The following GON4L variants were observed in gnomAD, a reference collection of about 807,000 sequenced individuals.
GON4L encodes the protein GON-4-like protein.
A neutral mutation model predicts 211.8 loss-of-function variants in GON4L; 87 were observed. The observed-to-expected ratio is 0.41, with a 90% CI of 0.35 to 0.49. GON4L has a LOEUF of 0.49. GON4L is among the 20% of genes least tolerant of loss of function. The pLI, the probability that GON4L is intolerant of heterozygous loss-of-function variation, is 0.15. For synonymous variants in GON4L, 875 were observed against 962.6 expected (o/e 0.91, Z 1.68); for missense variants, 2,155 against 2,659.5 (o/e 0.81, Z 4.17).
chr1:155,752,344 A>T lies in GON4L; in HGVS notation c.6089T>A (p.Met2030Lys). 1 of 1,601,904 alleles carries T rather than the reference A, an allele frequency of 6.2e-7. No individual in the cohort carries two copies. Among genetic ancestry groups the T allele is most frequent in the Non-Finnish European group, 8.5e-7 (1 of 1,170,742 alleles). Residue 2030 changes from methionine (M) to lysine (K), a missense_variant, in exon 30 of 32, where the codon ATG (methionine) becomes AAG (lysine). Physicochemically the swap from Met to Lys is moderately conservative, Grantham distance 95. Transcript: ENST00000368331. ...QKAVSESEALMLVWDASETEK... is the reference protein window; with the variant it reads ...QKAVSESEALKLVWDASETEK... Reference sequence around the variant, plus strand: ...AGTTTCTGATGCATCCCAGACCAGCATCAAAGCCTCTGACTCACTCACTGC... The same window carrying T: ...AGTTTCTGATGCATCCCAGACCAGCTTCAAAGCCTCTGACTCACTCACTGC...
chr1:155,853,141 T>C (rs1403212591), intron 2 of GON4L, 135 bp downstream of exon 2: 5 of 862,992 alleles, frequency 5.8e-6, no homozygotes, highest in African/African-American at 5.0e-5. Flanking sequence ...TGTTGACCCT[T>C]AGCAACACAG....
At position 155,749,866 on chromosome 1, in the gene GON4L, A is replaced by G; in HGVS notation, c.*718T>C. On this transcript the variant is annotated 3_prime_UTR_variant, in exon 32 of 32. Coordinates refer to ENST00000368331, the MANE Select transcript of GON4L (RefSeq NM_001282860.2). ...GTTGGACTTCCTTATCAGTTTGGCG[A>G]GTCCCAGGGCAGAATAATCATCCAT... The G allele has an allele frequency of 1.2e-6, 2 of 1,604,566 alleles. No homozygotes were observed. The highest frequency in any genetic ancestry group is 1.3e-5 in the African/African-American group (1 of 74,088).
intron 18 of GON4L, among the ~76,000 whole-genome samples, chr1:155,771,617 C>T (rs1663202269): frequency 6.6e-6 from 1 of 152,138 alleles, no homozygotes; most frequent in African/African-American, 2.4e-5. Context: ...TGACCACAGA[C>T]GTTCACCACC....
At chr1:155,798,609 CG>C (rs1666326131) in intron 11 of GON4L, among the ~76,000 whole-genome samples, 1 of 109,036 alleles carries the variant, frequency 9.2e-6, no homozygotes, top group African/African-American at 3.5e-5. Context: ...TTAGTAGAGA[CG>C]GGGTTTCACT....
chr1:155,838,861 T>C (rs1027077177), intron 2 of GON4L, among the ~76,000 whole-genome samples: 1 of 151,580 alleles, frequency 6.6e-6, no homozygotes, highest in Non-Finnish European at 1.5e-5. Context: ...TTTTGTATAA[T>C]TTAAAATCTT....
chr1:155,774,552 G>A (rs945043484), intron 17 of GON4L, among the ~76,000 whole-genome samples: 4 of 151,926 alleles, frequency 2.6e-5, no homozygotes, highest in Non-Finnish European at 4.4e-5. Flanking sequence ...TGTGTTCCCC[G>A]TGCCTCGGCC....
chr1:155,765,357 C>T lies in GON4L; in HGVS notation c.4116G>A (p.Thr1372=), dbSNP rs559465299. 2.4e-4 allele frequency: 381 copies of T among 1,614,128 alleles called. 2 individuals carry two copies. The South Asian group carries it at 3.7e-3, about 16-fold the overall frequency. Residue 1372 remains threonine (T), a synonymous_variant, in exon 21 of 32, where the codon ACG becomes ACA. Transcript: ENST00000368331. ...SEELSSAGEV[T]KQTVLQKEEE... ...CTTCCTTCTGTAAGACTGTCTGTTTCGTTACTTCTCCAGCACTGCTCAACT... is the reference window on the plus strand; with the variant it reads ...CTTCCTTCTGTAAGACTGTCTGTTTTGTTACTTCTCCAGCACTGCTCAACT...
In GON4L at chr1:155,765,920, C is replaced by A; in HGVS notation, c.3553G>T (p.Val1185Phe). 1 of 1,614,084 alleles carries A rather than the reference C, an allele frequency of 6.2e-7. No individual in the cohort carries two copies. The highest frequency in any genetic ancestry group is 8.5e-7 in the Non-Finnish European group (1 of 1,180,022). ...PQTIPITTLL[V>F]NPTSFPCPLN... ...GGACAGGGGAAGGAAGTAGGGTTAA[C>A]CAAGAGGGTAGTGATGGGAATAGTC... The change falls in exon 21 of 32, where the codon GTT (valine) becomes TTT (phenylalanine). Residue 1185 changes from valine (V) to phenylalanine (F), a missense_variant. Coordinates refer to ENST00000368331, the MANE Select transcript of GON4L (RefSeq NM_001282860.2).
chr1:155,809,934 A>G (rs1351033563), intron 10 of GON4L, among the ~76,000 whole-genome samples: 2 of 137,078 alleles, frequency 1.5e-5, no homozygotes, highest in African/African-American at 5.4e-5. Flanking sequence ...TATAAATTAT[A>G]TACATATATA....
At chr1:155,849,488 G>A (rs1196069724) in intron 2 of GON4L, among the ~76,000 whole-genome samples, 1 of 148,638 alleles carries the variant, frequency 6.7e-6, no homozygotes, top group Non-Finnish European at 1.5e-5. Context: ...AGCTTGCAAT[G>A]AGCCGAGATT....
chr1:155,787,912 C>T (rs1571744380), intron 12 of GON4L, among the ~76,000 whole-genome samples: 1 of 152,268 alleles, frequency 6.6e-6, no homozygotes, highest in Middle Eastern at 3.4e-3. Context: ...CCACTGCACT[C>T]CAGCCTGAGA....
chr1:155,849,457 T>C (rs1255101990), intron 2 of GON4L, among the ~76,000 whole-genome samples: 59 of 146,198 alleles, frequency 4.0e-4, no homozygotes, highest in Non-Finnish European at 4.5e-5. Context: ...GGCAGGAGAA[T>C]GGCGTGAACC....
chr1:155,835,424 C>G (rs1670205818), intron 2 of GON4L, among the ~76,000 whole-genome samples: 2 of 150,752 alleles, frequency 1.3e-5, no homozygotes, highest in Admixed American at 6.6e-5. Context: ...ATGACCCTGC[C>G]AAATCCCCCT....
rs1019268649 is a variant in GON4L at position 155,762,137 on chromosome 1, G to T, written c.4911+53C>A. 34 of 1,379,390 alleles carry T rather than the reference G, an allele frequency of 2.5e-5. No individual in the cohort carries two copies. The South Asian group carries it at 3.6e-4, about 14-fold the overall frequency. 85.4% of individuals were successfully genotyped at this position (1,379,390 alleles called of 1,614,324 possible). On this transcript the variant is annotated intron_variant, in intron 23 of 31. Coordinates refer to ENST00000368331, the MANE Select transcript of GON4L (RefSeq NM_001282860.2). ...TATGTTGAAAAACATCTCCCTTGAA[G>T]AAGCAGCCACATTCATAGAGACTGG...
At chr1:155,771,556 T>G (rs531769332) in intron 18 of GON4L, among the ~76,000 whole-genome samples, 1 of 152,290 alleles carries the variant, frequency 6.6e-6, no homozygotes, top group Admixed American at 6.5e-5. Context: ...CACTGCAGCC[T>G]TGAATGCCTG....
intron 9 of GON4L, 66 bp downstream of exon 9, chr1:155,814,264 T>G: frequency 3.5e-6 from 5 of 1,418,962 alleles, no homozygotes; most frequent in Non-Finnish European, 4.0e-6. Flanking sequence ...AATAATCTAC[T>G]TATACAGTTA....
At chr1:155,842,057 T>C (rs567883382) in intron 2 of GON4L, among the ~76,000 whole-genome samples, 1 of 151,518 alleles carries the variant, frequency 6.6e-6, no homozygotes, top group Admixed American at 6.6e-5. Flanking sequence ...AAAAACTAAT[T>C]CAGGCCATGA....
At position 155,752,062 on chromosome 1, in the gene GON4L, T is replaced by C; in HGVS notation, c.6371A>G (p.Lys2124Arg). 3 of 1,613,774 alleles carry C rather than the reference T, an allele frequency of 1.9e-6. No homozygotes were observed. Among genetic ancestry groups the C allele is most frequent in the Non-Finnish European group, 2.5e-6 (3 of 1,179,726 alleles). ...TGGCTGCTGCTCCCCCTCTGGACCCTTGGCCTGTGTTCCACTGTCTTTAGC... is the reference window on the plus strand; with the variant it reads ...TGGCTGCTGCTCCCCCTCTGGACCCCTGGCCTGTGTTCCACTGTCTTTAGC... ...GLAKDSGTQAKGPEGEQQPKA... is the reference protein window; with the variant it reads ...GLAKDSGTQARGPEGEQQPKA... Residue 2124 changes from lysine (K) to arginine (R), a missense_variant, in exon 30 of 32, where the codon AAG (lysine) becomes AGG (arginine). Lys to Arg is a conservative substitution (Grantham distance 26). Coordinates refer to ENST00000368331, the MANE Select transcript of GON4L (RefSeq NM_001282860.2).
intron 11 of GON4L, among the ~76,000 whole-genome samples, chr1:155,801,439 C>T (rs917672932): frequency 2.6e-5 from 4 of 152,054 alleles, no homozygotes; most frequent in Non-Finnish European, 5.9e-5. Context: ...GCTTCAAACT[C>T]CATCTTTTTC....
Sources: allele counts gnomAD v4.1 joint callset (sites outside exome capture counted in the v4.1 genomes callset), GRCh38; gene constraint gnomAD v4.1.1; transcripts MANE v1.5; gene names NCBI Gene and HGNC (gene_info 2026-07-23, HGNC 2026-07-21).